Variants in ABCA13 observed in about 807,000 individuals in gnomAD.
ABCA13 encodes ATP-binding cassette sub-family A member 13.
A neutral mutation model predicts 478.7 loss-of-function variants in ABCA13; 476 were observed. That is an observed-to-expected ratio of 0.99 (90% CI 0.92 to 1.07). The LOEUF (loss-of-function observed/expected upper bound fraction) is 1.07, where lower values mean the gene tolerates loss of function less well. Among genes scored for constraint, ABCA13 ranks in the 50% least tolerant of loss-of-function variants. ABCA13 has a pLI of 0.00. For missense variants in ABCA13, 6,060 were observed against 5,910.6 expected (o/e 1.03, Z -0.83); for synonymous variants, 2,252 against 2,158.9 (o/e 1.04, Z -1.20).
At chr7:48,183,114 T>C (rs1210837963) in intron 1 of ABCA13, among the ~76,000 whole-genome samples, 1 of 152,178 alleles carries the variant, frequency 6.6e-6, no homozygotes, top group Non-Finnish European at 1.5e-5. Context: ...TATTCTAAAC[T>C]TATGGTGTTT....
At chr7:48,310,911 C>T (rs1179193675) in intron 24 of ABCA13, among the ~76,000 whole-genome samples, 1 of 152,168 alleles carries the variant, frequency 6.6e-6, no homozygotes, top group African/African-American at 2.4e-5. Flanking sequence ...GCTTCTCCTC[C>T]TTCTGGCCTC....
chr7:48,485,789 C>T (rs1829238334), intron 47 of ABCA13, among the ~76,000 whole-genome samples: 1 of 152,130 alleles, frequency 6.6e-6, no homozygotes, highest in African/African-American at 2.4e-5. Context: ...GTGCCAGGCC[C>T]CACTATCTGT....
At chr7:48,498,714 C>T (rs746351951) in intron 48 of ABCA13, among the ~76,000 whole-genome samples, 17 of 152,098 alleles carry the variant, frequency 1.1e-4, no homozygotes, top group Non-Finnish European at 1.3e-4. Flanking sequence ...GAGATATGCT[C>T]ATATAGAATG....
chr7:48,642,877 C>T lies in ABCA13; in HGVS notation c.14838-411C>T, dbSNP rs899347378. On this transcript the variant is annotated intron_variant, in intron 59 of 61. Coordinates refer to ENST00000435803, the MANE Select transcript of ABCA13 (RefSeq NM_152701.5). Reference sequence around the variant, plus strand: ...TGCCTGGTAATTACATATGCAATCCCTTTCATCTTTTCCCAGCCAAATTTT... The same window carrying T: ...TGCCTGGTAATTACATATGCAATCCTTTTCATCTTTTCCCAGCCAAATTTT... Among the ~76,000 whole-genome samples, 7 of 152,266 alleles carry T rather than the reference C, an allele frequency of 4.6e-5. No homozygotes were observed. The South Asian group carries it at 1.2e-3, about 27-fold the overall frequency.
At chr7:48,352,984 C>T (rs951572612) in intron 31 of ABCA13, among the ~76,000 whole-genome samples, 1 of 151,872 alleles carries the variant, frequency 6.6e-6, no homozygotes, top group Admixed American at 6.6e-5. Flanking sequence ...TGGCTGCTGA[C>T]ATCTATAGGA....
intron 1 of ABCA13, among the ~76,000 whole-genome samples, chr7:48,173,284 C>T (rs746214851): frequency 6.6e-6 from 1 of 152,168 alleles, no homozygotes; most frequent in Non-Finnish European, 1.5e-5. Context: ...TTGCCGATTG[C>T]CTCTGGATCC....
At chr7:48,193,271 CAT>C in intron 2 of ABCA13, among the ~76,000 whole-genome samples, 1 of 152,142 alleles carries the variant, frequency 6.6e-6, no homozygotes, top group East Asian at 1.9e-4. Context: ...CAATCTAGCA[CAT>C]AGATTTATTC....
chr7:48,284,939 A>G (rs991466296), intron 19 of ABCA13, among the ~76,000 whole-genome samples: 1 of 152,184 alleles, frequency 6.6e-6, no homozygotes, highest in Non-Finnish European at 1.5e-5. Context: ...TGTTATTATT[A>G]TTGTTGCTGA....
In ABCA13 at chr7:48,279,425, A is replaced by T; in HGVS notation, c.8231A>T (p.Glu2744Val). ...AAAATGGTGATCTGTCTCACCTTAG[A>T]AGCTCTTTGGAAAAACTTAAAGAAA... is the stretch of plus-strand genomic sequence containing the variant. ...FLKMVICLTLEALWKNLKKDN... is the reference protein window; with the variant it reads ...FLKMVICLTLVALWKNLKKDN... The change falls in exon 18 of 62, where the codon GAA (glutamate) becomes GTA (valine). Residue 2744 changes from glutamate (E) to valine (V), a missense_variant. Physicochemically the swap from Glu to Val is moderately radical, Grantham distance 121. Around this residue, in one of 3 missense-constraint regions of ABCA13, gnomAD observed 4,423 missense variants for 4,309.1 expected, o/e 1.03. Coordinates refer to ENST00000435803, the MANE Select transcript of ABCA13 (RefSeq NM_152701.5). 1 of 1,604,786 alleles carries T rather than the reference A, an allele frequency of 6.2e-7. No homozygotes were observed. The highest frequency in any genetic ancestry group is 8.5e-7 in the Non-Finnish European group (1 of 1,174,596).
chr7:48,246,229 G>A (rs796653363), intron 13 of ABCA13, among the ~76,000 whole-genome samples, 199 bp downstream of exon 13: 13 of 152,212 alleles, frequency 8.5e-5, no homozygotes, highest in African/African-American at 1.4e-4. Context: ...TATGCCACCC[G>A]CCTGGCCAAA....
At chr7:48,311,726 C>T (rs1033931315) in intron 24 of ABCA13, among the ~76,000 whole-genome samples, 1 of 152,130 alleles carries the variant, frequency 6.6e-6, no homozygotes, top group African/African-American at 2.4e-5. Context: ...ATGAAGGGCT[C>T]TATGAAAGTT....
intron 55 of ABCA13, among the ~76,000 whole-genome samples, chr7:48,559,689 A>G (rs1786245534): frequency 6.6e-6 from 1 of 152,172 alleles, no homozygotes. Context: ...GGCCCATGGC[A>G]TATTACCTGG....
At chr7:48,410,447 C>T in intron 39 of ABCA13, 73 bp from the exon 40 acceptor site, 1 of 1,574,114 alleles carries the variant, frequency 6.4e-7, no homozygotes, top group South Asian at 1.1e-5. Context: ...ATCTACCATC[C>T]TGAGGAAAGG....
chr7:48,560,733 T>C (rs1212375273), intron 55 of ABCA13, among the ~76,000 whole-genome samples: 1 of 152,218 alleles, frequency 6.6e-6, no homozygotes, highest in Non-Finnish European at 1.5e-5. Flanking sequence ...TCTAGCAATA[T>C]TGAAATGTAC....
At chr7:48,392,772 A>G (rs879377721) in intron 38 of ABCA13, among the ~76,000 whole-genome samples, 3 of 152,146 alleles carry the variant, frequency 2.0e-5, no homozygotes, top group Admixed American at 6.5e-5. Flanking sequence ...AGCCTGATTT[A>G]TGGTCATGCC....
intron 23 of ABCA13, among the ~76,000 whole-genome samples, chr7:48,305,759 A>G (rs1456901180): frequency 1.3e-5 from 2 of 152,206 alleles, no homozygotes; most frequent in South Asian, 2.1e-4. Flanking sequence ...TCATTTTTAA[A>G]CCACATAAAT....
In ABCA13 at chr7:48,287,940, C is replaced by G. The variant is rs1230718223; in HGVS notation, c.8837-20C>G. ...AGAGGACTGTCTATTAATTATTTCT[C>G]TGTGTGTTTCCTCTGGCAGAAAACC... On this transcript the variant is annotated intron_variant, in intron 19 of 61. Coordinates refer to ENST00000435803, the MANE Select transcript of ABCA13 (RefSeq NM_152701.5). 6.9e-6 allele frequency: 11 copies of G among 1,591,496 alleles called. No homozygotes were observed. Among genetic ancestry groups the G allele is most frequent in the Non-Finnish European group, 9.5e-6 (11 of 1,159,844 alleles).
intron 17 of ABCA13, among the ~76,000 whole-genome samples, chr7:48,277,260 A>AG (rs1036581530): frequency 1.2e-4 from 18 of 152,172 alleles, no homozygotes; most frequent in African/African-American, 4.3e-4. Context: ...CACAGCAGGC[A>AG]GGGGCGCTGC....
chr7:48,588,534 G>C (rs1326790567), intron 57 of ABCA13, among the ~76,000 whole-genome samples: 3 of 152,134 alleles, frequency 2.0e-5, no homozygotes, highest in Non-Finnish European at 2.9e-5. Flanking sequence ...GTGACAGAGT[G>C]GTCAAGGTGG....
Sources: allele counts gnomAD v4.1 joint callset (sites outside exome capture counted in the v4.1 genomes callset), GRCh38; gene constraint gnomAD v4.1.1; regional missense constraint gnomAD v4.1.1; transcripts MANE v1.5; gene names NCBI Gene and HGNC (gene_info 2026-07-23, HGNC 2026-07-21).